The following PPP2R5C variants were observed in gnomAD, a reference collection of about 807,000 sequenced individuals.
The protein encoded by PPP2R5C is serine/threonine-protein phosphatase 2A 56 kDa regulatory subunit gamma isoform.
A neutral mutation model predicts 68.9 loss-of-function variants in PPP2R5C; 7 were observed. That is an observed-to-expected ratio of 0.10 (90% CI 0.06 to 0.19). The LOEUF (loss-of-function observed/expected upper bound fraction) is 0.19. Ranked by LOEUF, PPP2R5C falls within the 10% of genes least tolerant of loss-of-function variation. The pLI is 1.00. For missense variants in PPP2R5C, 348 were observed against 641.3 expected (o/e 0.54, Z 4.94); for synonymous variants, 210 against 222.2 (o/e 0.95, Z 0.49).
intron 8 of PPP2R5C, among the ~76,000 whole-genome samples, chr14:101,901,320 G>A (rs893715894): frequency 6.6e-6 from 1 of 151,706 alleles, no homozygotes; most frequent in African/African-American, 2.4e-5. Flanking sequence ...AATGGTGTTT[G>A]ATCAGAGAAA....
intron 2 of PPP2R5C, among the ~76,000 whole-genome samples, chr14:101,862,750 C>G (rs1352038856): frequency 6.6e-6 from 1 of 151,460 alleles, no homozygotes; most frequent in East Asian, 1.9e-4. Context: ...CCACTTTGCT[C>G]ACTTAATTTG....
At chr14:101,853,796 A>T (rs1397284038) in intron 1 of PPP2R5C, among the ~76,000 whole-genome samples, 1 of 151,888 alleles carries the variant, frequency 6.6e-6, no homozygotes, top group Non-Finnish European at 1.5e-5. Flanking sequence ...TGTTAGGAGG[A>T]TTTGGCGAGG....
chr14:101,789,446 C>T (rs1020363324), intron 3 of PPP2R5C, among the ~76,000 whole-genome samples: 12 of 152,198 alleles, frequency 7.9e-5, no homozygotes, highest in Non-Finnish European at 1.8e-4. Context: ...GGTACTGCTG[C>T]TGAATTTGGT....
chr14:101,795,637 C>A (rs1024908713), intron 3 of PPP2R5C, among the ~76,000 whole-genome samples: 1 of 152,004 alleles, frequency 6.6e-6, no homozygotes, highest in Non-Finnish European at 1.5e-5. Context: ...GACTTATTAT[C>A]GGCTAACTAA....
chr14:101,804,863 A>T (rs997580338), intron 3 of PPP2R5C, among the ~76,000 whole-genome samples: 1 of 152,166 alleles, frequency 6.6e-6, no homozygotes, highest in Non-Finnish European at 1.5e-5. Context: ...CTAAGAATGT[A>T]ATTGGATTGT....
At chr14:101,887,088 G>C (rs1374066585) in intron 5 of PPP2R5C, among the ~76,000 whole-genome samples, 1 of 152,166 alleles carries the variant, frequency 6.6e-6, no homozygotes, top group Non-Finnish European at 1.5e-5. Context: ...AAAACATTTT[G>C]AACATATTTG....
At chr14:101,912,567 A>G in intron 12 of PPP2R5C, 94 bp downstream of exon 14, 3 of 1,407,624 alleles carry the variant, frequency 2.1e-6, no homozygotes, top group Non-Finnish European at 2.8e-6. Context: ...GGGGGTCTCG[A>G]TTTCACTAAC....
intron 3 of PPP2R5C, among the ~76,000 whole-genome samples, chr14:101,796,022 C>T (rs2038590945): frequency 6.6e-6 from 1 of 152,054 alleles, no homozygotes; most frequent in Admixed American, 6.6e-5. Flanking sequence ...GGGGTTCCAC[C>T]ATGTTGCCCA....
chr14:101,762,931 A>G lies in PPP2R5C; in HGVS notation c.54A>G (p.Gly18=), dbSNP rs748853719. Residue 18 remains glycine, a synonymous_variant, in exon 2 of 15, where the codon GGA becomes GGG. Transcript: ENST00000328724. ...AATCACCAAAAGCAGGGAAGAGTGG[A>G]AAAAGTTCAAAAGAAGGACAAGACA... 4.4e-6 allele frequency: 7 copies of G among 1,583,416 alleles called. No homozygotes were observed. The African/African-American group carries it at 5.4e-5, about 12-fold the overall frequency.
At chr14:101,903,135 C>T (rs1289634618) in intron 9 of PPP2R5C, among the ~76,000 whole-genome samples, 1 of 151,804 alleles carries the variant, frequency 6.6e-6, no homozygotes, top group Non-Finnish European at 1.5e-5. Context: ...GAGACCAGCG[C>T]CACGGAGCCC....
chr14:101,819,640 T>C lies in PPP2R5C; in HGVS notation c.94+9604T>C, dbSNP rs139334090. On this transcript the variant is annotated intron_variant, in intron 1 of 13. Coordinates refer to ENST00000334743, the Ensembl canonical transcript of PPP2R5C. The stretch of plus-strand genomic sequence containing the variant: ...TTGTTTTTGTTTGGGTTTGTTTTTG[T>C]TTGGTTTTTTGGTTGCTCAGGCTGG... 3.4e-3 allele frequency: 527 copies of C among 153,478 alleles called. 2 individuals carry two copies. The highest frequency in any genetic ancestry group is 6.2e-3 in the Admixed American group (96 of 15,366). 9.5% of individuals were successfully genotyped at this position (153,478 alleles called of 1,614,324 possible).
At chr14:101,777,828 G>A (rs771335246) in intron 2 of PPP2R5C, among the ~76,000 whole-genome samples, 6 of 151,996 alleles carry the variant, frequency 3.9e-5, no homozygotes, top group Non-Finnish European at 5.9e-5. Context: ...ACTGGAATGC[G>A]ATGGTACAAT....
At chr14:101,761,707 CCGCCGCCGT>C, upstream of PPP2R5C, 1 of 556,312 alleles carries the variant, frequency 1.8e-6, no homozygotes, top group Non-Finnish European at 2.3e-6. Context: ...GCCGCCGCCG[CCGCCGCCGT>C]GGCTGCCGCA....
rs1316359759 is a variant in PPP2R5C at position 101,888,524 on chromosome 14, G to C, written c.630-1713G>C. Among the ~76,000 whole-genome samples, 1 of 152,146 alleles carries C rather than the reference G, an allele frequency of 6.6e-6. No individual in the cohort carries two copies. Among genetic ancestry groups the C allele is most frequent in the African/African-American group, 2.4e-5 (1 of 41,424 alleles). On this transcript the variant is annotated intron_variant, in intron 5 of 13. Coordinates refer to ENST00000334743, the Ensembl canonical transcript of PPP2R5C. The surrounding 1 kb of genome is among the most constrained non-coding windows in gnomAD (Gnocchi z 5.6). ...CATTGTTGTGCTACTGGGTCTCCCT[G>C]CTAAAGGTTCTGCTTCCTGGTTCCT...
intron 6 of PPP2R5C, among the ~76,000 whole-genome samples, chr14:101,892,112 C>T (rs1054240618): frequency 5.3e-5 from 8 of 152,064 alleles, no homozygotes; most frequent in Admixed American, 3.3e-4. Context: ...CCCGCCACCG[C>T]GCCTGGCTAT....
At chr14:101,900,426 A>T (rs968762617) in intron 8 of PPP2R5C, among the ~76,000 whole-genome samples, 9 of 152,246 alleles carry the variant, frequency 5.9e-5, no homozygotes, top group Non-Finnish European at 5.9e-5. Context: ...CCCGGGGGCC[A>T]GCACTTGTGG....
Position 101,882,058 on chromosome 14 carries a change from C to T in PPP2R5C, c.295-103C>T. 1.1e-6 allele frequency: 1 copy of T among 938,948 alleles called. No individual in the cohort carries two copies. Among genetic ancestry groups the T allele is most frequent in the South Asian group, 1.9e-5 (1 of 53,624 alleles). The allele number at this position is 938,948 out of a possible 1,614,324, so 58.2% of individuals were successfully genotyped here. On this transcript the variant is annotated intron_variant, in intron 2 of 13. Transcript: ENST00000334743. This position sits in a 1 kb window ranked among gnomAD's most constrained non-coding sequence, Gnocchi z 4.9. ...TTGAGGATACGGAGGAGCTAAGTTACCATGGGAAGCGGCTACTGTTAGAAT... is the reference window on the plus strand; with the variant it reads ...TTGAGGATACGGAGGAGCTAAGTTATCATGGGAAGCGGCTACTGTTAGAAT...
At position 101,853,742 on chromosome 14, in the gene PPP2R5C, T is replaced by C. The variant is rs1006389980; in HGVS notation, c.95-2944T>C. ...CAAGCTGTGTTGGCTCTCGTACCTGTGTCCTCGCCTCTAGATCGGGGTAAC... is the reference window on the plus strand; with the variant it reads ...CAAGCTGTGTTGGCTCTCGTACCTGCGTCCTCGCCTCTAGATCGGGGTAAC... On this transcript the variant is annotated intron_variant, in intron 1 of 13. Transcript: ENST00000334743. Among the ~76,000 whole-genome samples the C allele has an allele frequency of 4.6e-5, 7 of 152,286 alleles. No individual in the cohort carries two copies. In the East Asian group the frequency reaches 9.7e-4, roughly 21 times the overall value.
chr14:101,903,913 A>G (rs2141045609), intron 9 of PPP2R5C, among the ~76,000 whole-genome samples: 1 of 152,068 alleles, frequency 6.6e-6, no homozygotes, highest in East Asian at 1.9e-4. Flanking sequence ...CAGCCTCATG[A>G]TCCGCCCACC....
Sources: allele counts gnomAD v4.1 joint callset (sites outside exome capture counted in the v4.1 genomes callset), GRCh38; gene constraint gnomAD v4.1.1; non-coding constraint Gnocchi (gnomAD v3.1); transcripts MANE v1.5; gene names NCBI Gene and HGNC (gene_info 2026-07-23, HGNC 2026-07-21).